The following TRIP10 variants were observed in gnomAD, a reference collection of about 807,000 sequenced individuals.
The protein encoded by TRIP10 is cdc42-interacting protein 4.
A neutral mutation model predicts 80.9 loss-of-function variants in TRIP10; 54 were observed. That is an observed-to-expected ratio of 0.67 (90% confidence interval 0.54 to 0.84). The LOEUF is 0.84. Ranked by LOEUF, TRIP10 falls within the 40% of genes least tolerant of loss-of-function variation. The pLI, the probability that TRIP10 is intolerant of heterozygous loss-of-function variation, is 0.00. For synonymous variants in TRIP10, 321 were observed against 307.2 expected (o/e 1.04, Z -0.47); for missense variants, 773 against 815.3 (o/e 0.95, Z 0.63).
rs1266222279 is a variant in TRIP10 at position 6,744,338 on chromosome 19, C to A, written c.643-216C>A. ...TCCTCCTTTGAGAAGCCTTTGCTGA[C>A]CCCCTAGGCACGCGTCCCCCTCTGA... On this transcript the variant is annotated intron_variant, in intron 7 of 14. Transcript: ENST00000313244. This position sits in a 1 kb window ranked among gnomAD's most constrained non-coding sequence, Gnocchi z 4.9. Among the ~76,000 whole-genome samples, 1 of 152,162 alleles carries A rather than the reference C, an allele frequency of 6.6e-6. No homozygotes were observed. Among genetic ancestry groups the A allele is most frequent in the Non-Finnish European group, 1.5e-5 (1 of 68,036 alleles).
At chr19:6,740,863 G>T (rs1049903899) in intron 1 of TRIP10, 147 bp from the exon 2 acceptor site, 3 of 646,238 alleles carry the variant, frequency 4.6e-6, no homozygotes, top group East Asian at 5.7e-5. Context: ...GCCTCCCCCC[G>T]CGCCACGCCG....
chr19:6,746,047 TC>T lies in TRIP10; in HGVS notation c.1009del (p.Leu337TrpfsTer26). On this transcript the variant is annotated frameshift_variant, in exon 10 of 15. Coordinates refer to ENST00000313244, the MANE Select transcript of TRIP10 (RefSeq NM_001288962.2). LOFTEE classifies it high-confidence loss of function. The surrounding 1 kb of genome is among the most constrained non-coding windows in gnomAD (Gnocchi z 6.2). ...CCGGTAGCCTCGCCCCCCACCCCTC[TC>T]CCCCCTGGGGGGCCCCGTACCCTCG... The part of the protein sequence containing the change: ...KKNKPRPPPL[S>X]PLGGPVPSAL... 6 of 413,896 alleles carry T rather than the reference TC, an allele frequency of 1.4e-5. No individual in the cohort carries two copies. The highest frequency in any genetic ancestry group is 1.8e-5 in the Non-Finnish European group (6 of 340,396). 25.6% of individuals were successfully genotyped at this position (413,896 alleles called of 1,614,324 possible).
At position 6,744,468 on chromosome 19, in the gene TRIP10, A is replaced by G. The variant is rs539367049; in HGVS notation, c.643-86A>G. 86 of 1,571,588 alleles carry G rather than the reference A, an allele frequency of 5.5e-5. 1 individual carries two copies. In the South Asian group the frequency reaches 8.4e-4, roughly 15 times the overall value. The stretch of plus-strand genomic sequence containing the variant: ...TGGCTTGGGGCTGGGGCCAGCGTGG[A>G]GCGCGATCATATTTGCAGAGTGAAT... On this transcript the variant is annotated intron_variant, in intron 7 of 14. Coordinates refer to ENST00000313244, the MANE Select transcript of TRIP10 (RefSeq NM_001288962.2). This position sits in a 1 kb window ranked among gnomAD's most constrained non-coding sequence, Gnocchi z 4.9.
At chr19:6,740,156 G>C (rs75269317) in intron 1 of TRIP10, among the ~76,000 whole-genome samples, 1 of 152,180 alleles carries the variant, frequency 6.6e-6, no homozygotes, top group Non-Finnish European at 1.5e-5. Flanking sequence ...CGGCTAGGAG[G>C]GGGGAGGGGA....
Position 6,746,561 on chromosome 19 carries a change from G to C in TRIP10, c.1262G>C (p.Arg421Thr). ...SRELQKEVDQ[R>T]EALKKMKDVY... ...GAACTTCAGAAGGAGGTTGACCAGA[G>C]GTAAGGTGGTGGGGTAGGGAAGGAC... The change falls in exon 11 of 15, where the codon AGG (arginine) becomes ACG (threonine). Residue 421 changes from arginine to threonine, a missense_variant and splice_region_variant. By Grantham distance (71) the Arg-to-Thr change is moderately conservative. Coordinates refer to ENST00000313244, the MANE Select transcript of TRIP10 (RefSeq NM_001288962.2). The surrounding 1 kb of genome is among the most constrained non-coding windows in gnomAD (Gnocchi z 6.2). 1 of 1,613,544 alleles carries C rather than the reference G, an allele frequency of 6.2e-7. No homozygotes were observed. Among genetic ancestry groups the C allele is most frequent in the Non-Finnish European group, 8.5e-7 (1 of 1,179,558 alleles).
rs2145542869 is a variant in TRIP10 at position 6,745,138 on chromosome 19, A to G, written c.984+144A>G. 1 of 1,180,114 alleles carries G rather than the reference A, an allele frequency of 8.5e-7. No homozygotes were observed. The highest frequency in any genetic ancestry group is 1.1e-6 in the Non-Finnish European group (1 of 886,154). 73.1% of individuals were successfully genotyped at this position (1,180,114 alleles called of 1,614,324 possible). A position where few individuals can be genotyped will look rare whatever the true frequency, so the allele number is the denominator to read the frequency against. On this transcript the variant is annotated intron_variant, in intron 9 of 14. Transcript: ENST00000313244. This position sits in a 1 kb window ranked among gnomAD's most constrained non-coding sequence, Gnocchi z 7.2. ...TTGGCTGCCAGCCCGGACTGGAGGGAAGGAAGGCGGCCGATTGGCCTGGGA... is the reference window on the plus strand; with the variant it reads ...TTGGCTGCCAGCCCGGACTGGAGGGGAGGAAGGCGGCCGATTGGCCTGGGA...
In TRIP10 at chr19:6,743,700, T is replaced by C; in HGVS notation, c.514-8T>C. The C allele has an allele frequency of 6.2e-7, 1 of 1,613,868 alleles. No homozygotes were observed. Among genetic ancestry groups the C allele is most frequent in the Non-Finnish European group, 8.5e-7 (1 of 1,179,886 alleles). On this transcript the variant is annotated splice_polypyrimidine_tract_variant and splice_region_variant and intron_variant, in intron 6 of 14. Transcript: ENST00000313244. ...CCTGGCAGTACCTTCCACCTCTGCA[T>C]TCTTCAGGCCAAGCAGCAAGCCCAC...
At position 6,749,959 on chromosome 19, in the gene TRIP10, G is replaced by A. The variant is rs373505010; in HGVS notation, c.1288G>A (p.Val430Ile). ...GGAAGCCCTAAAGAAAATGAAGGAT[G>A]TCTATGAGAAGACACCTCAGATGGG... ...QREALKKMKD[V>I]YEKTPQMGDP... The change falls in exon 12 of 15, where the codon GTC (valine) becomes ATC (isoleucine). Residue 430 changes from valine to isoleucine, a missense_variant. Transcript: ENST00000313244. 6.2e-7 allele frequency: 1 copy of A among 1,614,032 alleles called. No homozygotes were observed. Among genetic ancestry groups the A allele is most frequent in the Non-Finnish European group, 8.5e-7 (1 of 1,180,026 alleles).
At position 6,746,452 on chromosome 19, in the gene TRIP10, A is replaced by G; in HGVS notation, c.1153A>G (p.Thr385Ala). Residue 385 changes from threonine to alanine, a missense_variant and splice_region_variant, in exon 11 of 15, where the codon ACA becomes GCA. Coordinates refer to ENST00000313244, the MANE Select transcript of TRIP10 (RefSeq NM_001288962.2). This position sits in a 1 kb window ranked among gnomAD's most constrained non-coding sequence, Gnocchi z 6.2. Reference sequence around the variant, plus strand: ...ATTCAGCCCTCTACCCACCTTGCAGACAGTGGTGACCGAGGATTTTAGCCA... The same window carrying G: ...ATTCAGCCCTCTACCCACCTTGCAGGCAGTGGTGACCGAGGATTTTAGCCA... ...SFRSLRGSRGTVVTEDFSHLP... is the reference protein window; with the variant it reads ...SFRSLRGSRGAVVTEDFSHLP... 6.2e-7 allele frequency: 1 copy of G among 1,614,082 alleles called. No homozygotes were observed. Among genetic ancestry groups the G allele is most frequent in the African/African-American group, 1.3e-5 (1 of 75,036 alleles).
rs1969260271 is a variant in TRIP10, at chr19:6,750,523, C to T, written c.1547C>T (p.Pro516Leu). The change falls in exon 14 of 15, where the codon CCT becomes CTT. Residue 516 changes from proline (P) to leucine (L), a missense_variant. By Grantham distance (98) the Pro-to-Leu change is moderately conservative (BLOSUM62 -3). Transcript: ENST00000313244. Reference protein sequence around the residue: ...SQDTKESSEEPPSEESQDTPI... With the variant: ...SQDTKESSEELPSEESQDTPI... The stretch of plus-strand genomic sequence containing the variant: ...TTATCCCCAAACAGCTCTGAAGAGC[C>T]TCCCTCAGAAGAGAGCCAGGACACC... The T allele has an allele frequency of 2.5e-6, 4 of 1,614,048 alleles. No homozygotes were observed. The African/African-American group carries it at 4.0e-5, about 16-fold the overall frequency.
rs1488561346 is a variant in TRIP10, at chr19:6,751,242, T to G, written c.*31T>G. 1.2e-6 allele frequency: 2 copies of G among 1,613,408 alleles called. No homozygotes were observed. The highest frequency in any genetic ancestry group is 2.2e-5 in the South Asian group (2 of 91,034). Reference sequence around the variant, plus strand: ...GCCAGAGACGGGAAGAGGGGGGCTGTCGGCTGCTGCTTCTGGGCCACGGGG... The same window carrying G: ...GCCAGAGACGGGAAGAGGGGGGCTGGCGGCTGCTGCTTCTGGGCCACGGGG... On this transcript the variant is annotated 3_prime_UTR_variant, in exon 15 of 15. Transcript: ENST00000313244.
intron 3 of TRIP10, among the ~76,000 whole-genome samples, 165 bp from the exon 4 acceptor site, chr19:6,742,802 T>C (rs1261542163): frequency 1.3e-5 from 2 of 148,194 alleles, no homozygotes; most frequent in Non-Finnish European, 3.0e-5. Context: ...AAAAAAAATC[T>C]ACTCAAGGGT....
In TRIP10 at chr19:6,745,914, GCGTCCATC is replaced by G. The variant is rs1015198990; in HGVS notation, c.985-103_985-96del. Reference sequence around the variant, plus strand: ...TTTGTTTTTCCTTTTTCCTTTTTTTGCGTCCATCCGTCCATCCGTGCGTCCATCCCTCC... The same window carrying G: ...TTTGTTTTTCCTTTTTCCTTTTTTTGCGTCCATCCGTGCGTCCATCCCTCC... On this transcript the variant is annotated intron_variant, in intron 9 of 14. Transcript: ENST00000313244. The surrounding 1 kb of genome is among the most constrained non-coding windows in gnomAD (Gnocchi z 7.2). 8.1e-6 allele frequency: 10 copies of G among 1,230,800 alleles called. No homozygotes were observed. The highest frequency in any genetic ancestry group is 6.4e-5 in the East Asian group (2 of 31,328). 76.2% of individuals were successfully genotyped at this position (1,230,800 alleles called of 1,614,324 possible). A position where few individuals can be genotyped will look rare whatever the true frequency, so the allele number is the denominator to read the frequency against.
rs747460405 is a variant in TRIP10 at position 6,746,394 on chromosome 19, C to T, written c.1153-58C>T. 1 of 1,583,752 alleles carries T rather than the reference C, an allele frequency of 6.3e-7. No individual in the cohort carries two copies. Among genetic ancestry groups the T allele is most frequent in the Non-Finnish European group, 8.7e-7 (1 of 1,154,332 alleles). On this transcript the variant is annotated intron_variant, in intron 10 of 14. Coordinates refer to ENST00000313244, the MANE Select transcript of TRIP10 (RefSeq NM_001288962.2). The surrounding 1 kb of genome is among the most constrained non-coding windows in gnomAD (Gnocchi z 6.2). The stretch of plus-strand genomic sequence containing the variant: ...GGGAGTGAAATATCTCAGACGGGTG[C>T]AGAGTCTGGCAGGCTAGACTCCTTG...
rs147390840 is a variant in TRIP10, at chr19:6,751,166, C to G, written c.1761C>G (p.Gly587=). ...CCCGGGTCAGGCGGAAAGAGGGAGG[C>G]GAGGGCTACGTGCCCACCTCCTACC... ...GWTRVRRKEG[G]EGYVPTSYLR... The change falls in exon 15 of 15, where the codon GGC becomes GGG. Residue 587 remains glycine (G), a synonymous_variant. Coordinates refer to ENST00000313244, the MANE Select transcript of TRIP10 (RefSeq NM_001288962.2). The G allele has an allele frequency of 6.2e-7, 1 of 1,613,460 alleles. No homozygotes were observed. The highest frequency in any genetic ancestry group is 1.3e-5 in the African/African-American group (1 of 74,870).
intron 14 of TRIP10, 93 bp downstream of exon 14, chr19:6,750,726 T>C: frequency 6.5e-7 from 1 of 1,537,320 alleles, no homozygotes; most frequent in East Asian, 2.3e-5. Context: ...GCTGGGCGGG[T>C]GGCTCAGGCT....
intron 3 of TRIP10, among the ~76,000 whole-genome samples, chr19:6,742,700 TG>T (rs1422424862): frequency 1.3e-5 from 2 of 150,594 alleles, no homozygotes; most frequent in Non-Finnish European, 2.9e-5. Flanking sequence ...GAGGATCACT[TG>T]AGCCCAGGAG....
chr19:6,739,981 C>G (rs920915344), intron 1 of TRIP10, among the ~76,000 whole-genome samples, 196 bp downstream of exon 1: 3 of 152,144 alleles, frequency 2.0e-5, no homozygotes, highest in African/African-American at 7.2e-5. Flanking sequence ...GCGACTTTGC[C>G]GGACCGGAGT....
chr19:6,746,196 G>C lies in TRIP10; in HGVS notation c.1152G>C (p.Gly384=). 1 of 1,528,750 alleles carries C rather than the reference G, an allele frequency of 6.5e-7. No individual in the cohort carries two copies. Among genetic ancestry groups the C allele is most frequent in the Non-Finnish European group, 8.8e-7 (1 of 1,134,102 alleles). The allele number at this position is 1,528,750 out of a possible 1,614,324, so 94.7% of individuals were successfully genotyped here. A position where few individuals can be genotyped will look rare whatever the true frequency, so the allele number is the denominator to read the frequency against. The change falls in exon 10 of 15, where the codon GGG becomes GGC. Residue 384 remains glycine (G), a splice_region_variant and synonymous_variant. Coordinates refer to ENST00000313244, the MANE Select transcript of TRIP10 (RefSeq NM_001288962.2). The surrounding 1 kb of genome is among the most constrained non-coding windows in gnomAD (Gnocchi z 6.2). ...TCCGCAGCCTTCGAGGCAGCCGTGGGGTAAGTGAGGCCTCGGGGCAGGAGG... is the reference window on the plus strand; with the variant it reads ...TCCGCAGCCTTCGAGGCAGCCGTGGCGTAAGTGAGGCCTCGGGGCAGGAGG... ...ASFRSLRGSR[G]TVVTEDFSHL...
Sources: gnomAD v4.1 joint callset for allele counts (sites outside exome capture counted in the v4.1 genomes callset) on GRCh38, gnomAD v4.1.1 for gene constraint, Gnocchi (gnomAD v3.1) non-coding constraint, MANE v1.5 for transcripts, NCBI Gene and HGNC (gene_info 2026-07-23, HGNC 2026-07-21) for gene names.